The following FIP1L1 variants were observed in gnomAD, a reference collection of about 807,000 sequenced individuals.
FIP1L1 encodes factor interacting with PAPOLA and CPSF1, also known as pre-mRNA 3'-end-processing factor FIP1.
Under a neutral mutation model 84.6 loss-of-function variants are expected in FIP1L1, and 21 were observed. The observed-to-expected ratio is 0.25, with a 90% CI of 0.18 to 0.36. FIP1L1 has a LOEUF of 0.36. Among genes scored for constraint, FIP1L1 ranks in the 10% least tolerant of loss-of-function variants. FIP1L1 has a pLI of 1.00. For missense variants in FIP1L1, 526 were observed against 751.1 expected (o/e 0.70, Z 3.50); for synonymous variants, 263 against 242.3 (o/e 1.09, Z -0.80).
chr4:53,379,225 A>G lies in FIP1L1; in HGVS notation c.131A>G (p.Asp44Gly). Residue 44 changes from aspartate (D) to glycine (G), a missense_variant and splice_region_variant, in exon 3 of 18, where the codon GAT (aspartate) becomes GGT (glycine). Coordinates refer to ENST00000337488, the MANE Select transcript of FIP1L1 (RefSeq NM_030917.4). ...TTTATTTGTTTATTTTACTTGGTAG[A>G]TGAAAATGAAGTTGAAAGGCCAGAA... ...HVHSDLAKDL[D>G]ENEVERPEEE... 1.2e-6 allele frequency: 2 copies of G among 1,606,054 alleles called. No individual in the cohort carries two copies. The highest frequency in any genetic ancestry group is 1.7e-6 in the Non-Finnish European group (2 of 1,178,006).
In FIP1L1 at chr4:53,421,323, A is replaced by G. The variant is rs766864919; in HGVS notation, c.924-4549A>G. On this transcript the variant is annotated intron_variant, in intron 11 of 17. Coordinates refer to ENST00000337488, the MANE Select transcript of FIP1L1 (RefSeq NM_030917.4). Reference sequence around the variant, plus strand: ...GGTTGGTAACCACTATCAAAGGTGCATGATACTTCTGTTGCAAGCAAATGG... The same window carrying G: ...GGTTGGTAACCACTATCAAAGGTGCGTGATACTTCTGTTGCAAGCAAATGG... Among the ~76,000 whole-genome samples, 3 of 152,196 alleles carry G rather than the reference A, an allele frequency of 2.0e-5. No homozygotes were observed. In the South Asian group the frequency reaches 6.2e-4, roughly 31 times the overall value.
rs180835832 is a variant in FIP1L1, at chr4:53,408,087, C to G, written c.816-6528C>G. ...GTTAGTTGATGCAGTTTCTTCCTATCCTCGATGGTTTTTACAGTTTGGCAT... is the reference window on the plus strand; with the variant it reads ...GTTAGTTGATGCAGTTTCTTCCTATGCTCGATGGTTTTTACAGTTTGGCAT... On this transcript the variant is annotated intron_variant, in intron 10 of 17. Coordinates refer to ENST00000337488, the MANE Select transcript of FIP1L1 (RefSeq NM_030917.4). Among the ~76,000 whole-genome samples the G allele has an allele frequency of 6.4e-3, 973 of 152,240 alleles. 9 individuals are homozygous for G. The highest frequency in any genetic ancestry group is 0.022 in the African/African-American group (911 of 41,532).
intron 16 of FIP1L1, 23 bp from the exon 17 acceptor site, chr4:53,458,630 A>G: frequency 6.2e-7 from 1 of 1,604,998 alleles, no homozygotes; most frequent in Non-Finnish European, 8.5e-7. Flanking sequence ...GTTGTCAAGA[A>G]AACATTTCTA....
intron 10 of FIP1L1, among the ~76,000 whole-genome samples, chr4:53,410,192 T>C (rs1756428619): frequency 6.6e-6 from 1 of 152,248 alleles, no homozygotes; most frequent in Non-Finnish European, 1.5e-5. Flanking sequence ...GAATGGTTCA[T>C]TGTTGCATAG....
chr4:53,442,714 C>T lies in FIP1L1; in HGVS notation c.1229+7C>T, dbSNP rs1161887795. The T allele has an allele frequency of 6.4e-7, 1 of 1,565,358 alleles. No homozygotes were observed. ...TTATACCAACAATAGAAAGGTAAAT[C>T]AGTATGGATACTGATTTTTGATCAT... On this transcript the variant is annotated splice_region_variant and intron_variant, in intron 14 of 17. Transcript: ENST00000337488.
At chr4:53,420,495 G>GGCTT (rs1274259219) in intron 11 of FIP1L1, among the ~76,000 whole-genome samples, 2 of 149,178 alleles carry the variant, frequency 1.3e-5, no homozygotes, top group Non-Finnish European at 3.0e-5. Context: ...TTTCATCATG[G>GGCTT]GCTTTATCAG....
intron 13 of FIP1L1, chr4:53,440,520 A>G: frequency 5.6e-6 from 6 of 1,075,678 alleles, no homozygotes; most frequent in Non-Finnish European, 8.2e-6. Context: ...TGGTGATGGC[A>G]TAAATACATA....
At position 53,427,184 on chromosome 4, in the gene FIP1L1, G is replaced by T. The variant is rs1267697021; in HGVS notation, c.1018-843G>T. Among the ~76,000 whole-genome samples the T allele has an allele frequency of 3.3e-5, 5 of 152,160 alleles. No homozygotes were observed. In the East Asian group the frequency reaches 9.6e-4, roughly 29 times the overall value. On this transcript the variant is annotated intron_variant, in intron 12 of 17. Coordinates refer to ENST00000337488, the MANE Select transcript of FIP1L1 (RefSeq NM_030917.4). ...CAAAAAACACTGCACTTAAATGTAG[G>T]AAGTGTTAATGGAAAGAGGGATTGT...
At chr4:53,407,299 T>C (rs1754141054) in intron 10 of FIP1L1, among the ~76,000 whole-genome samples, 1 of 152,240 alleles carries the variant, frequency 6.6e-6, no homozygotes, top group African/African-American at 2.4e-5. Context: ...GGTTGTTCAG[T>C]TTCCATGTAG....
rs535730966 is a variant in FIP1L1, at chr4:53,407,823, C to CT, written c.816-6785dup. Among the ~76,000 whole-genome samples, 1,335 of 152,120 alleles carry CT rather than the reference C, an allele frequency of 8.8e-3. 22 individuals are homozygous for CT. Among genetic ancestry groups the CT allele is most frequent in the African/African-American group, 0.03 (1,257 of 41,482 alleles). On this transcript the variant is annotated intron_variant, in intron 10 of 17. Transcript: ENST00000337488. The stretch of plus-strand genomic sequence containing the variant: ...CAGAGACTAGGACTGCAACCCCTGC[C>CT]TTTTTTTGTTTTGCATTTGCTTGGT...
chr4:53,432,172 G>A (rs1766984629), intron 13 of FIP1L1, among the ~76,000 whole-genome samples: 1 of 151,870 alleles, frequency 6.6e-6, no homozygotes, highest in Admixed American at 6.6e-5. Context: ...GAGGCAGGAA[G>A]ATCACCTGAG....
chr4:53,399,704 C>T, intron 9 of FIP1L1, 26 bp from the exon 10 acceptor site: 1 of 1,481,512 alleles, frequency 6.7e-7, no homozygotes, highest in Non-Finnish European at 9.4e-7. Context: ...TTAAATTCAA[C>T]AAGCTAATAA....
chr4:53,418,819 C>T (rs772964763), intron 11 of FIP1L1, among the ~76,000 whole-genome samples: 1 of 152,158 alleles, frequency 6.6e-6, no homozygotes, highest in Non-Finnish European at 1.5e-5. Context: ...CTATTAAACA[C>T]AATACTTATA....
chr4:53,387,641 G>C (rs1474337715), intron 5 of FIP1L1, among the ~76,000 whole-genome samples: 1 of 152,208 alleles, frequency 6.6e-6, no homozygotes, highest in Non-Finnish European at 1.5e-5. Context: ...GTTTTAAAAG[G>C]CAGAATGGGG....
chr4:53,385,694 A>G (rs1740642879), intron 5 of FIP1L1, among the ~76,000 whole-genome samples: 1 of 152,158 alleles, frequency 6.6e-6, no homozygotes. Flanking sequence ...AGTTGAAGGA[A>G]TTGACATGTG....
rs1241591082 is a variant in FIP1L1, at chr4:53,458,702, C to T, written c.1549C>T (p.Arg517Cys). The T allele has an allele frequency of 2.5e-6, 4 of 1,613,002 alleles. No individual in the cohort carries two copies. Among genetic ancestry groups the T allele is most frequent in the South Asian group, 1.1e-5 (1 of 91,008 alleles). Residue 517 changes from arginine (R) to cysteine (C), a missense_variant, in exon 17 of 18, where the codon CGT (arginine) becomes TGT (cysteine). Physicochemically the swap from Arg to Cys is radical, Grantham distance 180 (BLOSUM62 -3). Transcript: ENST00000337488. ...YREYAERGYE[R>C]HRASREKEER... is the part of the protein sequence containing the mutation. The stretch of plus-strand genomic sequence containing the variant: ...GGAATATGCAGAAAGAGGTTATGAG[C>T]GTCACAGAGCAAGTCGAGAAAAAGA...
intron 5 of FIP1L1, among the ~76,000 whole-genome samples, 164 bp downstream of exon 5, chr4:53,384,040 T>C (rs10012857): frequency 0.13 from 19,769 of 152,200 alleles, 2,560 homozygotes; most frequent in African/African-American, 0.32. Context: ...TTTGCTAAAA[T>C]ACAGTTAATT....
chr4:53,384,055 A>G (rs923169093), intron 5 of FIP1L1, among the ~76,000 whole-genome samples, 179 bp downstream of exon 5: 1 of 152,196 alleles, frequency 6.6e-6, no homozygotes, highest in African/African-American at 2.4e-5. Flanking sequence ...TTAATTGATT[A>G]GGCGAAGGTA....
At chr4:53,396,416 T>C (rs368677968) in intron 9 of FIP1L1, among the ~76,000 whole-genome samples, 2 of 145,904 alleles carry the variant, frequency 1.4e-5, no homozygotes, top group Non-Finnish European at 3.1e-5. Context: ...TCTTTTTTTT[T>C]CCCAAGATGG....
Sources: gnomAD v4.1 joint callset for allele counts (sites outside exome capture counted in the v4.1 genomes callset) on GRCh38, gnomAD v4.1.1 for gene constraint, MANE v1.5 for transcripts, NCBI Gene and HGNC (gene_info 2026-07-23, HGNC 2026-07-21) for gene names.